The following SGCD variants were observed in gnomAD, a reference collection of about 807,000 sequenced individuals.
SGCD encodes delta-sarcoglycan.
SGCD carries 18 observed loss-of-function variants against 36.6 expected under a neutral mutation model. The ratio of observed to expected loss-of-function variants is 0.49; its 90% CI spans 0.34 to 0.73. SGCD has a LOEUF of 0.73. Ranked by LOEUF, SGCD falls within the 30% of genes least tolerant of loss-of-function variation. SGCD has a pLI of 0.01. For synonymous variants in SGCD, 133 were observed against 130.6 expected (o/e 1.02, Z -0.12); for missense variants, 387 against 346.7 (o/e 1.12, Z -0.92).
chr5:156,204,550 A>G (rs1349121838), intron 3 of SGCD, among the ~76,000 whole-genome samples: 2 of 152,006 alleles, frequency 1.3e-5, no homozygotes, highest in Admixed American at 6.6e-5. Flanking sequence ...CTACATGATT[A>G]CATGCCAAAT....
chr5:156,465,919 A>G (rs1017898996), intron 3 of SGCD, among the ~76,000 whole-genome samples: 5 of 152,228 alleles, frequency 3.3e-5, no homozygotes, highest in Admixed American at 6.5e-5. Context: ...ACTTGAGACT[A>G]TCAGACTTCT....
intron 5 of SGCD, among the ~76,000 whole-genome samples, chr5:156,589,587 A>C (rs751884176): frequency 2.0e-5 from 3 of 152,188 alleles, no homozygotes; most frequent in Non-Finnish European, 2.9e-5. Flanking sequence ...TGGCCCCTAA[A>C]TATAAACCAG....
At chr5:156,014,803 C>T (rs1269604636) in intron 1 of SGCD, among the ~76,000 whole-genome samples, 3 of 152,084 alleles carry the variant, frequency 2.0e-5, no homozygotes, top group Non-Finnish European at 4.4e-5. Flanking sequence ...CTTTATCTTT[C>T]ATGCTATGAC....
At chr5:156,715,140 C>T (rs1755161659) in intron 7 of SGCD, among the ~76,000 whole-genome samples, 1 of 152,142 alleles carries the variant, frequency 6.6e-6, no homozygotes, top group Non-Finnish European at 1.5e-5. Context: ...TCTGGTCAGT[C>T]ATCATATGGC....
At chr5:156,026,398 G>C (rs1375999048) in intron 1 of SGCD, among the ~76,000 whole-genome samples, 1 of 152,158 alleles carries the variant, frequency 6.6e-6, no homozygotes, top group Non-Finnish European at 1.5e-5. Context: ...CTATAACAAA[G>C]AGCCTGCTGG....
At chr5:155,761,951 G>A in the SGCD span, among the ~76,000 whole-genome samples, 5 of 152,166 alleles carry the variant, frequency 3.3e-5, no homozygotes, top group African/African-American at 7.2e-5. Context: ...AATGTGCTAA[G>A]TACATTTCCT....
chr5:156,610,481 C>T (rs1581251915), intron 6 of SGCD, among the ~76,000 whole-genome samples: 2 of 152,188 alleles, frequency 1.3e-5, no homozygotes, highest in African/African-American at 2.4e-5. Context: ...TTAGGCTCCT[C>T]GGGGGTCAGG....
At chr5:156,449,303 A>T (rs553118399) in intron 3 of SGCD, among the ~76,000 whole-genome samples, 1 of 152,082 alleles carries the variant, frequency 6.6e-6, no homozygotes, top group African/African-American at 2.4e-5. Flanking sequence ...TATTTGTCAA[A>T]TTATTTGGAT....
chr5:156,417,486 C>T (rs962259526), intron 3 of SGCD, among the ~76,000 whole-genome samples: 1 of 152,082 alleles, frequency 6.6e-6, no homozygotes, highest in Non-Finnish European at 1.5e-5. Context: ...TCTGCTTGGG[C>T]TGCCATAACA....
chr5:155,890,946 A>G (rs1756114797), intron 1 of SGCD, among the ~76,000 whole-genome samples: 1 of 152,200 alleles, frequency 6.6e-6, no homozygotes, highest in African/African-American at 2.4e-5. Flanking sequence ...GAAACTGATT[A>G]TCAGCCTCAT....
chr5:156,322,184 G>T (rs4705002), upstream of SGCD, among the ~76,000 whole-genome samples: 65,870 of 152,044 alleles, frequency 0.43, 14,608 homozygotes, highest in East Asian at 0.81. Flanking sequence ...ATAAATGTAC[G>T]AATGGCTTAT....
intron 3 of SGCD, among the ~76,000 whole-genome samples, chr5:156,157,653 T>A (rs1376610166): frequency 6.6e-6 from 1 of 151,748 alleles, no homozygotes; most frequent in Middle Eastern, 3.2e-3. Context: ...TTTTCTCCAT[T>A]CTGGTTGTCT....
chr5:156,614,090 G>A (rs904093513), intron 6 of SGCD, among the ~76,000 whole-genome samples: 30 of 152,164 alleles, frequency 2.0e-4, no homozygotes, highest in African/African-American at 6.3e-4. Flanking sequence ...GGGATTACAG[G>A]TACGCACCAT....
chr5:156,044,143 A>G (rs1313592664), intron 1 of SGCD, among the ~76,000 whole-genome samples: 1 of 152,162 alleles, frequency 6.6e-6, no homozygotes, highest in Non-Finnish European at 1.5e-5. Context: ...AAAAATTGGA[A>G]TGAGAGTAAG....
intron 4 of SGCD, among the ~76,000 whole-genome samples, chr5:156,581,661 C>T (rs748232463): frequency 2.4e-4 from 36 of 152,286 alleles, no homozygotes; most frequent in Middle Eastern, 3.4e-3. Flanking sequence ...GCTGCTGCCT[C>T]GCAGGTTGAT....
rs559492508 is a variant in SGCD, at chr5:155,988,666, G to C, written c.-282+118242G>C. Among the ~76,000 whole-genome samples, 12 of 152,218 alleles carry C rather than the reference G, an allele frequency of 7.9e-5. No individual in the cohort carries two copies. In the South Asian group the frequency reaches 2.3e-3, roughly 29 times the overall value. On this transcript the variant is annotated intron_variant, in intron 1 of 9. Coordinates refer to the SGCD transcript ENST00000517913. Reference sequence around the variant, plus strand: ...ATATCTAAAATGATAAGAGATGGAGGGATATATTGAAGATTAAAAGATGTT... The same window carrying C: ...ATATCTAAAATGATAAGAGATGGAGCGATATATTGAAGATTAAAAGATGTT...
At chr5:155,963,814 A>G (rs75819729) in intron 1 of SGCD, among the ~76,000 whole-genome samples, 2,380 of 152,094 alleles carry the variant, frequency 0.016, 64 homozygotes, top group African/African-American at 0.054. Flanking sequence ...TACTTTTTTT[A>G]TAATTTATCT....
intron 1 of SGCD, among the ~76,000 whole-genome samples, chr5:155,885,723 CT>C (rs1473906435): frequency 2.6e-5 from 4 of 152,200 alleles, no homozygotes; most frequent in Non-Finnish European, 4.4e-5. Flanking sequence ...TGATGATTAG[CT>C]TTTCAAAATC....
intron 3 of SGCD, among the ~76,000 whole-genome samples, chr5:156,208,857 G>T (rs1460035395): frequency 6.6e-6 from 1 of 152,080 alleles, no homozygotes; most frequent in African/African-American, 2.4e-5. Flanking sequence ...ATCCATTCAA[G>T]AAAATACCTT....
Sources: allele counts gnomAD v4.1 joint callset (sites outside exome capture counted in the v4.1 genomes callset), GRCh38; gene constraint gnomAD v4.1.1; transcripts MANE v1.5; gene names NCBI Gene and HGNC (gene_info 2026-07-23, HGNC 2026-07-21).